Variants in SLC25A48 observed in about 807,000 individuals in gnomAD.
SLC25A48 encodes CTC-321K16.1.
Under a neutral mutation model 32.2 loss-of-function variants are expected in SLC25A48, and 29 were observed. The observed-to-expected ratio is 0.90, with a 90% CI of 0.67 to 1.23. The LOEUF (loss-of-function observed/expected upper bound fraction) is 1.23. Ranked by LOEUF, SLC25A48 falls within the 50% of genes most tolerant of loss-of-function variation. The probability of loss-of-function intolerance (pLI) is 0.00; values close to 1 mark genes in which losing one functional copy is unlikely to be tolerated. For synonymous variants in SLC25A48, 164 were observed against 172.3 expected (o/e 0.95, Z 0.38); for missense variants, 399 against 422.7 (o/e 0.94, Z 0.49).
intron 3 of SLC25A48, chr5:135,653,923 T>G (rs777822055): frequency 2.2e-6 from 1 of 456,190 alleles, no homozygotes; most frequent in South Asian, 1.5e-5. Context: ...TCATAGGGAA[T>G]GTTGTTCTCT....
At chr5:135,810,069 C>T (rs1471725399) in intron 3 of SLC25A48, among the ~76,000 whole-genome samples, 2 of 152,198 alleles carry the variant, frequency 1.3e-5, no homozygotes, top group Non-Finnish European at 2.9e-5. Flanking sequence ...AACTCCTGTA[C>T]TCGAGTGATC....
At position 135,761,446 on chromosome 5, in the gene SLC25A48, A is replaced by G. The variant is rs1304006820; in HGVS notation, c.-520-51077A>G. Among the ~76,000 whole-genome samples the G allele has an allele frequency of 3.9e-5, 6 of 152,262 alleles. No individual in the cohort carries two copies. The East Asian group carries it at 9.6e-4, about 24-fold the overall frequency. ...GCACATGTACCCTAGAACTTAAAGT[A>G]TAATTAAAATATATATATAAAAAAA... is the stretch of plus-strand genomic sequence containing the variant. On this transcript the variant is annotated intron_variant, in intron 3 of 10. Transcript: ENST00000646290.
intron 1 of SLC25A48, among the ~76,000 whole-genome samples, chr5:135,619,002 A>G (rs1752255735): frequency 6.6e-6 from 1 of 151,938 alleles, no homozygotes; most frequent in Admixed American, 6.6e-5. Flanking sequence ...TATTTTAGGG[A>G]AATCTGAACT....
chr5:135,678,456 T>A (rs1040499203), intron 3 of SLC25A48, among the ~76,000 whole-genome samples: 5 of 152,242 alleles, frequency 3.3e-5, no homozygotes, highest in African/African-American at 7.2e-5. Context: ...TTGTATTTTT[T>A]AAAATTCTCT....
At chr5:135,872,940 C>G (rs1426395095) in intron 5 of SLC25A48, among the ~76,000 whole-genome samples, 11 of 152,226 alleles carry the variant, frequency 7.2e-5, no homozygotes, top group Non-Finnish European at 1.5e-5. Flanking sequence ...CTAGTAAGAG[C>G]TCAGTCAGTA....
intron 3 of SLC25A48, among the ~76,000 whole-genome samples, chr5:135,812,145 TTTTTATTTA>T (rs1406425642): frequency 6.6e-6 from 1 of 151,976 alleles, no homozygotes. Context: ...ACTGAATTGA[TTTTTATTTA>T]TTTTATTTTA....
Position 135,710,537 on chromosome 5 carries a change from C to A in SLC25A48, c.-521+75581C>A, listed in dbSNP as rs528331317. ...TGTCTGGGATCAAATTCCAGCACTG[C>A]TACATAACAAGATCTTTGTGACTTT... On this transcript the variant is annotated intron_variant, in intron 3 of 10. Transcript: ENST00000646290. 7.7e-4 allele frequency among the ~76,000 whole-genome samples: 118 copies of A among 152,354 alleles called. 1 individual carries two copies. Among genetic ancestry groups the A allele is most frequent in the Middle Eastern group, 3.4e-3 (1 of 294 alleles).
At chr5:135,589,228 C>G (rs2126874863) in intron 1 of SLC25A48, among the ~76,000 whole-genome samples, 1 of 152,344 alleles carries the variant, frequency 6.6e-6, no homozygotes, top group East Asian at 1.9e-4. Flanking sequence ...GAAATGTGAA[C>G]AACTTCCAGC....
At chr5:135,819,368 C>T (rs999085959) in intron 4 of SLC25A48, among the ~76,000 whole-genome samples, 2 of 152,062 alleles carry the variant, frequency 1.3e-5, no homozygotes, top group African/African-American at 4.8e-5. Flanking sequence ...GAATGGCACA[C>T]TACATACAGT....
intron 1 of SLC25A48, among the ~76,000 whole-genome samples, chr5:135,585,011 A>C (rs1216774825): frequency 6.6e-6 from 1 of 152,256 alleles, no homozygotes; most frequent in Non-Finnish European, 1.5e-5. Context: ...GGGCTTGGGC[A>C]GCCTTCAGCC....
intron 3 of SLC25A48, among the ~76,000 whole-genome samples, chr5:135,768,235 G>C (rs1399835812): frequency 6.8e-6 from 1 of 146,626 alleles, no homozygotes; most frequent in Non-Finnish European, 1.5e-5. Flanking sequence ...CAGCGGGAAA[G>C]AGGATGATAT....
intron 3 of SLC25A48, among the ~76,000 whole-genome samples, chr5:135,734,538 G>A: frequency 6.6e-6 from 1 of 152,018 alleles, no homozygotes; most frequent in South Asian, 2.1e-4. Flanking sequence ...TTATTAAGAA[G>A]GGGAAGGGGC....
intron 3 of SLC25A48, among the ~76,000 whole-genome samples, chr5:135,802,453 CCTA>C (rs1757354602): frequency 6.6e-6 from 1 of 151,574 alleles, no homozygotes; most frequent in Non-Finnish European, 1.5e-5. Context: ...AGGTATTACT[CCTA>C]CTATCACAGT....
At chr5:135,871,166 A>T (rs1364468337) in intron 4 of SLC25A48, among the ~76,000 whole-genome samples, 2 of 151,612 alleles carry the variant, frequency 1.3e-5, no homozygotes. Context: ...GTCATAATTG[A>T]TTCTAGACAT....
At chr5:135,759,089 C>A (rs1182936920) in intron 3 of SLC25A48, among the ~76,000 whole-genome samples, 1 of 151,688 alleles carries the variant, frequency 6.6e-6, no homozygotes, top group Non-Finnish European at 1.5e-5. Flanking sequence ...CTAGTGTTAA[C>A]ACACAATAAT....
chr5:135,628,317 T>C (rs1752483668), intron 1 of SLC25A48, among the ~76,000 whole-genome samples: 1 of 152,122 alleles, frequency 6.6e-6, no homozygotes, highest in Non-Finnish European at 1.5e-5. Flanking sequence ...GGGGTCAATT[T>C]ACACCCCGAG....
At chr5:135,883,778 G>T (rs1331519376) in intron 7 of SLC25A48, among the ~76,000 whole-genome samples, 1 of 152,140 alleles carries the variant, frequency 6.6e-6, no homozygotes, top group Non-Finnish European at 1.5e-5. Context: ...GCACTCTCTG[G>T]GCCTTATTTT....
At chr5:135,750,766 C>CT (rs1399890504) in intron 3 of SLC25A48, among the ~76,000 whole-genome samples, 11 of 152,292 alleles carry the variant, frequency 7.2e-5, no homozygotes, top group Non-Finnish European at 1.5e-5. Context: ...CCTTGGCTGT[C>CT]TAACTTTGCC....
intron 2 of SLC25A48, among the ~76,000 whole-genome samples, chr5:135,633,823 G>A (rs566316659): frequency 6.6e-6 from 1 of 152,264 alleles, no homozygotes; most frequent in African/African-American, 2.4e-5. Context: ...CATCAGTGAT[G>A]TGGCAAATAT....
Sources: gnomAD v4.1 joint callset for allele counts (sites outside exome capture counted in the v4.1 genomes callset) on GRCh38, gnomAD v4.1.1 for gene constraint, MANE v1.5 for transcripts, NCBI Gene and HGNC (gene_info 2026-07-23, HGNC 2026-07-21) for gene names.